The following LRRC36 variants were observed in gnomAD, a reference collection of about 807,000 sequenced individuals.
LRRC36 encodes leucine-rich repeat-containing protein 36.
In LRRC36, 62 loss-of-function variants were observed where a neutral mutation model predicts 81.1. That is an observed-to-expected ratio of 0.76 (90% CI 0.62 to 0.94). The LOEUF (loss-of-function observed/expected upper bound fraction) is 0.94, where lower values mean the gene tolerates loss of function less well. LRRC36 is among the 40% of genes least tolerant of loss of function. LRRC36 has a pLI of 0.00. For synonymous variants in LRRC36, 334 were observed against 348.6 expected (o/e 0.96, Z 0.47); for missense variants, 761 against 881.7 (o/e 0.86, Z 1.73).
At position 67,376,849 on chromosome 16, in the gene LRRC36, G is replaced by A; in HGVS notation, c.1783G>A (p.Ala595Thr). Reference sequence around the variant, plus strand: ...GAGGGAGCTTGAACTGAAGGAGGCTGCGCAGCTGGTCCCTAATGACATGGT... The same window carrying A: ...GAGGGAGCTTGAACTGAAGGAGGCTACGCAGCTGGTCCCTAATGACATGGT... ...CRRELELKEAAQLVPNDMESL... is the reference protein window; with the variant it reads ...CRRELELKEATQLVPNDMESL... The change falls in exon 11 of 14, where the codon GCG (alanine) becomes ACG (threonine). Residue 595 changes from alanine to threonine, a missense_variant. By Grantham distance (58) the Ala-to-Thr change is moderately conservative. This residue lies in a region of LRRC36 where 359 missense variants were observed against 388.4 expected (regional missense o/e 0.92). Transcript: ENST00000329956. 6.2e-7 allele frequency: 1 copy of A among 1,613,156 alleles called. No individual in the cohort carries two copies. The highest frequency in any genetic ancestry group is 8.5e-7 in the Non-Finnish European group (1 of 1,179,206).
chr16:67,342,892 T>A (rs956722410), intron 2 of LRRC36, among the ~76,000 whole-genome samples: 34 of 152,122 alleles, frequency 2.2e-4, no homozygotes, highest in Admixed American at 1.8e-3. Context: ...GGATATTTGT[T>A]CAACAACACA....
rs140874703 is a variant in LRRC36 at position 67,371,033 on chromosome 16, C to T, written c.1285C>T (p.Pro429Ser). 3.1e-6 allele frequency: 5 copies of T among 1,613,976 alleles called. No homozygotes were observed. The African/African-American group carries it at 6.7e-5, about 22-fold the overall frequency. Reference sequence around the variant, plus strand: ...ATCTACCAGCCTGGATGATTTAACACCAGCACATGGTTCTGTCCCAAACAA... The same window carrying T: ...ATCTACCAGCCTGGATGATTTAACATCAGCACATGGTTCTGTCCCAAACAA... Reference protein sequence around the residue: ...QLSTSLDDLTPAHGSVPNNAV... With the variant: ...QLSTSLDDLTSAHGSVPNNAV... Residue 429 changes from proline to serine, a missense_variant, in exon 9 of 14, where the codon CCA (proline) becomes TCA (serine). Transcript: ENST00000329956.
intron 9 of LRRC36, among the ~76,000 whole-genome samples, chr16:67,373,533 C>T (rs1197535082): frequency 2.7e-5 from 4 of 150,012 alleles, no homozygotes; most frequent in Admixed American, 2.7e-4. Context: ...ACGGTGAAAC[C>T]CCATCTCTAC....
chr16:67,376,879 C>G lies in LRRC36; in HGVS notation c.1806+7C>G, dbSNP rs1311333782. On this transcript the variant is annotated splice_region_variant and intron_variant, in intron 11 of 13. Coordinates refer to ENST00000329956, the MANE Select transcript of LRRC36 (RefSeq NM_018296.6). Reference sequence around the variant, plus strand: ...GCTGGTCCCTAATGACATGGTATGCCCCTCTCATCTCCCTTTAGAAAAGGA... The same window carrying G: ...GCTGGTCCCTAATGACATGGTATGCGCCTCTCATCTCCCTTTAGAAAAGGA... The G allele has an allele frequency of 1.9e-5, 30 of 1,603,784 alleles. No homozygotes were observed. Among genetic ancestry groups the G allele is most frequent in the Non-Finnish European group, 2.5e-5 (29 of 1,172,376 alleles).
chr16:67,372,954 G>C (rs9932918), intron 9 of LRRC36, among the ~76,000 whole-genome samples: 412 of 152,224 alleles, frequency 2.7e-3, no homozygotes, highest in African/African-American at 9.6e-3. Context: ...CACTAACTGT[G>C]TGTTACTGTA....
intron 10 of LRRC36, 109 bp downstream of exon 10, chr16:67,375,521 T>A (rs1250388408): frequency 3.5e-6 from 3 of 863,058 alleles, no homozygotes; most frequent in Non-Finnish European, 5.1e-6. Context: ...GTTGTTCTCA[T>A]GATCACATCC....
chr16:67,382,093 T>C, intron 12 of LRRC36, 40 bp from the exon 13 acceptor site: 1 of 1,335,182 alleles, frequency 7.5e-7, no homozygotes, highest in Admixed American at 1.7e-5. Flanking sequence ...GACTAGCAGC[T>C]TGGAATCCTT....
intron 2 of LRRC36, 66 bp downstream of exon 2, chr16:67,342,150 A>T: frequency 1.7e-6 from 2 of 1,188,220 alleles, no homozygotes; most frequent in African/African-American, 1.5e-5. Flanking sequence ...AAGAAATAAG[A>T]GATAGATCAT....
chr16:67,367,552 T>G, intron 8 of LRRC36, 95 bp downstream of exon 8: 1 of 1,091,372 alleles, frequency 9.2e-7, no homozygotes, highest in Non-Finnish European at 1.3e-6. Flanking sequence ...TGAAATTGTA[T>G]TAGCATTTCT....
At chr16:67,370,160 T>A (rs1233189284) in intron 8 of LRRC36, among the ~76,000 whole-genome samples, 1 of 152,160 alleles carries the variant, frequency 6.6e-6, no homozygotes, top group East Asian at 1.9e-4. Flanking sequence ...AGAGAATTTA[T>A]TAATACAGAT....
intron 5 of LRRC36, among the ~76,000 whole-genome samples, chr16:67,359,588 C>G (rs1445295470): frequency 1.3e-5 from 2 of 152,094 alleles, no homozygotes; most frequent in African/African-American, 4.8e-5. Context: ...CTAAAAAACA[C>G]TGAATTGTAC....
At position 67,350,821 on chromosome 16, in the gene LRRC36, C is replaced by T. The variant is rs911082456; in HGVS notation, c.577+531C>T. ...TGGGAGGCCGAGGCAGACAGATCAC[C>T]TGAGGTTGCGAGTTTAAGACCAGCC... is the stretch of plus-strand genomic sequence containing the variant. On this transcript the variant is annotated intron_variant, in intron 5 of 13. Transcript: ENST00000329956. 6.6e-5 allele frequency among the ~76,000 whole-genome samples: 10 copies of T among 152,174 alleles called. 1 individual carries two copies. The highest frequency in any genetic ancestry group is 2.4e-4 in the African/African-American group (10 of 41,448).
intron 5 of LRRC36, chr16:67,362,352 G>A (rs184365059): frequency 7.0e-4 from 229 of 327,234 alleles, no homozygotes; most frequent in African/African-American, 4.7e-3. Flanking sequence ...TAGTAGAGAC[G>A]GGATTTCACC....
At chr16:67,355,223 C>A (rs1421512541) in intron 5 of LRRC36, among the ~76,000 whole-genome samples, 3 of 152,160 alleles carry the variant, frequency 2.0e-5, no homozygotes, top group Non-Finnish European at 4.4e-5. Context: ...TATAAACAAC[C>A]TTGTGCAGGT....
In LRRC36 at chr16:67,363,817, G is replaced by T. The variant is rs878984601; in HGVS notation, c.702+103G>T. 3 of 1,310,640 alleles carry T rather than the reference G, an allele frequency of 2.3e-6. No homozygotes were observed. In the South Asian group the frequency reaches 4.0e-5, roughly 18 times the overall value. 81.2% of individuals were successfully genotyped at this position (1,310,640 alleles called of 1,614,324 possible). A position where few individuals can be genotyped will look rare whatever the true frequency, so the allele number is the denominator to read the frequency against. Reference sequence around the variant, plus strand: ...TATGAAGGTCTCAGAGGACTTGTTTGATGAAGGCATTTTAGACCCTTTTAA... The same window carrying T: ...TATGAAGGTCTCAGAGGACTTGTTTTATGAAGGCATTTTAGACCCTTTTAA... On this transcript the variant is annotated intron_variant, in intron 6 of 13. Coordinates refer to ENST00000329956, the MANE Select transcript of LRRC36 (RefSeq NM_018296.6).
At chr16:67,380,077 A>G (rs953962523) in intron 12 of LRRC36, among the ~76,000 whole-genome samples, 3 of 152,164 alleles carry the variant, frequency 2.0e-5, no homozygotes, top group African/African-American at 7.2e-5. Flanking sequence ...CTAGAATCAA[A>G]TGCTTTTCTG....
At chr16:67,373,179 C>T (rs958286742) in intron 9 of LRRC36, among the ~76,000 whole-genome samples, 1 of 151,668 alleles carries the variant, frequency 6.6e-6, no homozygotes, top group African/African-American at 2.4e-5. Flanking sequence ...ATAGGAGACC[C>T]TCTCTCTACA....
chr16:67,358,338 T>A (rs1455015076), intron 5 of LRRC36, among the ~76,000 whole-genome samples: 1 of 152,100 alleles, frequency 6.6e-6, no homozygotes, highest in East Asian at 1.9e-4. Flanking sequence ...AAGGATCTAA[T>A]TAATATTCAT....
chr16:67,337,097 G>A (rs1264858222), intron 1 of LRRC36, among the ~76,000 whole-genome samples: 1 of 152,076 alleles, frequency 6.6e-6, no homozygotes, highest in Admixed American at 6.6e-5. Flanking sequence ...CTGAGTGATA[G>A]TCCTTCTTGT....
Sources: allele counts gnomAD v4.1 joint callset (sites outside exome capture counted in the v4.1 genomes callset), GRCh38; gene constraint gnomAD v4.1.1; regional missense constraint gnomAD v4.1.1; transcripts MANE v1.5; gene names NCBI Gene and HGNC (gene_info 2026-07-23, HGNC 2026-07-21).